Variants in TCTN3 observed in about 807,000 individuals in gnomAD.
TCTN3 encodes the protein tectonic-3.
A neutral mutation model predicts 71.3 loss-of-function variants in TCTN3; 57 were observed. That is an observed-to-expected ratio of 0.80 (90% CI 0.65 to 1.00). The LOEUF (loss-of-function observed/expected upper bound fraction) is 1.00. Among genes scored for constraint, TCTN3 ranks in the 50% least tolerant of loss-of-function variants. The probability of loss-of-function intolerance (pLI) is 0.00; values close to 1 mark genes in which losing one functional copy is unlikely to be tolerated. For synonymous variants in TCTN3, 258 were observed against 267.8 expected, an observed-to-expected ratio of 0.96 and a Z score of 0.36; for missense variants, 696 against 719.9, an observed-to-expected ratio of 0.97 and a Z score of 0.38.
chr10:95,691,288 G>T (rs541089219), intron 3 of TCTN3, among the ~76,000 whole-genome samples: 2 of 152,086 alleles, frequency 1.3e-5, no homozygotes, highest in Non-Finnish European at 2.9e-5. Context: ...AACTAGCTGA[G>T]ATTACAGGTG....
chr10:95,693,886 T>C lies in TCTN3; in HGVS notation c.14A>G (p.Gln5Arg). MRTP[Q>R]LALLQVFFLV... The stretch of plus-strand genomic sequence containing the variant: ...AAAGAACACTTGCAGGAGCGCGAGC[T>C]GTGGGGTGCGCATGGGGCATTCAGG... Residue 5 changes from glutamine to arginine, a missense_variant, in exon 1 of 14, where the codon CAG (glutamine) becomes CGG (arginine). Transcript: ENST00000371217. 5.2e-6 allele frequency: 8 copies of C among 1,551,620 alleles called. No individual in the cohort carries two copies. Among genetic ancestry groups the C allele is most frequent in the Non-Finnish European group, 7.0e-6 (8 of 1,146,980 alleles).
intron 13 of TCTN3, among the ~76,000 whole-genome samples, chr10:95,669,922 G>A (rs1267770877): frequency 6.6e-6 from 1 of 151,316 alleles, no homozygotes; most frequent in Non-Finnish European, 1.5e-5. Context: ...AATTAGCCGG[G>A]CGAGGTGGCG....
rs749117268 is a variant in TCTN3, at chr10:95,680,486, A to G, written c.1576T>C (p.Cys526Arg). 3.0e-5 allele frequency: 48 copies of G among 1,614,010 alleles called. No individual in the cohort carries two copies. The East Asian group carries it at 8.9e-4, about 30-fold the overall frequency. ...HVSGVRFLYQ[C>R]QSIQDSQQVT... ...CCATGACTTACCTGTATAGACTGGC[A>G]CTGGTATAGGAATCGAACTCCTGAT... Residue 526 changes from cysteine to arginine, a missense_variant, in exon 13 of 14, where the codon TGC becomes CGC. Coordinates refer to ENST00000371217, the MANE Select transcript of TCTN3 (RefSeq NM_015631.6).
At chr10:95,678,144 T>C (rs899609657) in intron 13 of TCTN3, among the ~76,000 whole-genome samples, 1 of 152,174 alleles carries the variant, frequency 6.6e-6, no homozygotes, top group Non-Finnish European at 1.5e-5. Context: ...AGATATACAT[T>C]CTGCAAGTGT....
In TCTN3 at chr10:95,674,639, T is replaced by C. The variant is rs184367793; in HGVS notation, c.1590+5833A>G. 1.8e-4 allele frequency among the ~76,000 whole-genome samples: 28 copies of C among 152,334 alleles called. No individual in the cohort carries two copies. The East Asian group carries it at 5.2e-3, about 28-fold the overall frequency. Reference sequence around the variant, plus strand: ...TTTCCTTAACTATCCCAAAAGGTGCTTTACATTTCTTTGTCCAAATCAGAC... The same window carrying C: ...TTTCCTTAACTATCCCAAAAGGTGCCTTACATTTCTTTGTCCAAATCAGAC... On this transcript the variant is annotated intron_variant, in intron 13 of 13. Coordinates refer to ENST00000371217, the MANE Select transcript of TCTN3 (RefSeq NM_015631.6).
intron 12 of TCTN3, among the ~76,000 whole-genome samples, chr10:95,681,284 C>T (rs1009436433): frequency 3.3e-5 from 5 of 152,046 alleles, no homozygotes; most frequent in Non-Finnish European, 2.9e-5. Flanking sequence ...CCATGTTGGT[C>T]AGTCTGGTCT....
chr10:95,692,770 T>G, intron 3 of TCTN3, 150 bp downstream of exon 3: 1 of 616,848 alleles, frequency 1.6e-6, no homozygotes, highest in South Asian at 2.1e-5. Flanking sequence ...TTTTTTTGCT[T>G]TTTTTTTGTT....
chr10:95,687,588 T>C lies in TCTN3; in HGVS notation c.627+4A>G. Reference sequence around the variant, plus strand: ...AACAATCCCATCCCCTTCCCCAGGCTCACCCTGTAAAAAGATGGTGGTGAT... The same window carrying C: ...AACAATCCCATCCCCTTCCCCAGGCCCACCCTGTAAAAAGATGGTGGTGAT... On this transcript the variant is annotated splice_donor_region_variant and intron_variant, in intron 4 of 13. Transcript: ENST00000371217. 1 of 1,612,756 alleles carries C rather than the reference T, an allele frequency of 6.2e-7. No individual in the cohort carries two copies. Among genetic ancestry groups the C allele is most frequent in the Non-Finnish European group, 8.5e-7 (1 of 1,179,696 alleles).
chr10:95,684,050 T>C (rs1327852134), intron 9 of TCTN3, among the ~76,000 whole-genome samples: 11 of 151,862 alleles, frequency 7.2e-5, no homozygotes, highest in Non-Finnish European at 8.8e-5. Flanking sequence ...GAGGGTAGAG[T>C]TGAGAAAATC....
At chr10:95,677,486 T>TTTTTTTTTTTTTTTTTTTTTTTTTTG (rs2097938461) in intron 13 of TCTN3, among the ~76,000 whole-genome samples, 1 of 133,722 alleles carries the variant, frequency 7.5e-6, no homozygotes, top group Non-Finnish European at 1.6e-5. Flanking sequence ...TTTTTTTGTT[T>TTTTTTTTTTTTTTTTTTTTTTTTTTG]TTTTTTTTTT....
chr10:95,673,884 A>G (rs2097934129), intron 13 of TCTN3, among the ~76,000 whole-genome samples: 1 of 152,140 alleles, frequency 6.6e-6, no homozygotes, highest in African/African-American at 2.4e-5. Context: ...AATTTTTCCC[A>G]TTGAATTGAT....
intron 12 of TCTN3, among the ~76,000 whole-genome samples, 169 bp from the exon 13 acceptor site, chr10:95,680,778 CTTTTTTT>C (rs906355850): frequency 7.4e-6 from 1 of 134,300 alleles, no homozygotes; most frequent in Non-Finnish European, 1.6e-5. Flanking sequence ...TATTCCTGAT[CTTTTTTT>C]TTTTTTTTTT....
intron 13 of TCTN3, among the ~76,000 whole-genome samples, chr10:95,673,338 A>G (rs1338183592): frequency 6.6e-6 from 1 of 152,180 alleles, no homozygotes; most frequent in African/African-American, 2.4e-5. Context: ...TGATCCAGAC[A>G]TAAGTACTCT....
chr10:95,673,028 T>A (rs2097933268), intron 13 of TCTN3, among the ~76,000 whole-genome samples: 1 of 152,204 alleles, frequency 6.6e-6, no homozygotes, highest in South Asian at 2.1e-4. Context: ...TGCCCATTTT[T>A]AGTTTGTCAT....
chr10:95,671,696 T>C (rs1343197376), intron 13 of TCTN3, among the ~76,000 whole-genome samples: 1 of 152,222 alleles, frequency 6.6e-6, no homozygotes, highest in African/African-American at 2.4e-5. Context: ...ATTTTACATA[T>C]ATAAGAACTT....
At chr10:95,667,749 C>CG (rs1423720731) in intron 13 of TCTN3, among the ~76,000 whole-genome samples, 2 of 152,200 alleles carry the variant, frequency 1.3e-5, no homozygotes, top group Non-Finnish European at 2.9e-5. Context: ...CCATACCCTT[C>CG]AGTCAGGAGA....
chr10:95,682,912 A>T, intron 11 of TCTN3, 108 bp from the exon 12 acceptor site: 1 of 1,428,252 alleles, frequency 7.0e-7, no homozygotes, highest in South Asian at 1.4e-5. Flanking sequence ...AATAGACCAG[A>T]GGGTATAATC....
intron 3 of TCTN3, among the ~76,000 whole-genome samples, chr10:95,688,460 GC>G (rs2097950766): frequency 1.3e-5 from 2 of 148,890 alleles, no homozygotes; most frequent in South Asian, 4.3e-4. Flanking sequence ...GCTCATGTCT[GC>G]CCCATACCAG....
intron 13 of TCTN3, among the ~76,000 whole-genome samples, chr10:95,672,746 G>A (rs1003188093): frequency 1.4e-5 from 2 of 141,904 alleles, no homozygotes; most frequent in African/African-American, 2.6e-5. Flanking sequence ...AGGCTGGAGC[G>A]CAGTGGCATG....
Sources: gnomAD v4.1 joint callset for allele counts (sites outside exome capture counted in the v4.1 genomes callset) on GRCh38, gnomAD v4.1.1 for gene constraint, MANE v1.5 for transcripts, NCBI Gene and HGNC (gene_info 2026-07-23, HGNC 2026-07-21) for gene names.